Variants in SLC38A4 observed in about 807,000 individuals in gnomAD.
The protein encoded by SLC38A4 is solute carrier family 38 member 4.
Under a neutral mutation model 63.1 loss-of-function variants are expected in SLC38A4, and 20 were observed. The observed-to-expected ratio is 0.32, with a 90% CI of 0.22 to 0.46. The LOEUF (loss-of-function observed/expected upper bound fraction) is 0.46, where lower values mean the gene tolerates loss of function less well. Among genes scored for constraint, SLC38A4 ranks in the 20% least tolerant of loss-of-function variants. The pLI is 1.00. For missense variants in SLC38A4, 526 were observed against 663.6 expected (o/e 0.79, Z 2.28); for synonymous variants, 230 against 225.5 (o/e 1.02, Z -0.18).
At chr12:46,767,839 G>A (rs1938330937) in intron 16 of SLC38A4, among the ~76,000 whole-genome samples, 2 of 152,190 alleles carry the variant, frequency 1.3e-5, no homozygotes, top group South Asian at 2.1e-4. Flanking sequence ...ACGATGAATG[G>A]TTCTGTTCTG....
chr12:46,830,425 C>G (rs1309295798), upstream of SLC38A4, among the ~76,000 whole-genome samples: 1 of 152,010 alleles, frequency 6.6e-6, no homozygotes, highest in African/African-American at 2.4e-5. Flanking sequence ...ACAACATAGG[C>G]TGATTTCTCC....
At chr12:46,822,113 G>A (rs147513559) in intron 1 of SLC38A4, among the ~76,000 whole-genome samples, 1 of 152,162 alleles carries the variant, frequency 6.6e-6, no homozygotes, top group African/African-American at 2.4e-5. Flanking sequence ...ATCATGAAAT[G>A]TATGCATATG....
upstream of SLC38A4, among the ~76,000 whole-genome samples, chr12:46,830,038 A>T (rs181802467): frequency 4.7e-4 from 72 of 151,946 alleles, no homozygotes; most frequent in Non-Finnish European, 1.0e-3. Flanking sequence ...TCTAGTTCAG[A>T]CCAGCCTCCA....
At chr12:46,813,940 T>C (rs10748455) in intron 1 of SLC38A4, among the ~76,000 whole-genome samples, 113,152 of 151,912 alleles carry the variant, frequency 0.74, 42,371 homozygotes, top group African/African-American at 0.81. Flanking sequence ...GAATTGTCTC[T>C]GACTTCAATA....
At chr12:46,790,117 G>T (rs567050434) in intron 3 of SLC38A4, among the ~76,000 whole-genome samples, 2 of 152,068 alleles carry the variant, frequency 1.3e-5, no homozygotes, top group Non-Finnish European at 2.9e-5. Flanking sequence ...AAATAAAATA[G>T]AAAATAATTA....
At position 46,768,292 on chromosome 12, in the gene SLC38A4, A is replaced by T; in HGVS notation, c.1542+18T>A. 6.4e-7 allele frequency: 1 copy of T among 1,555,732 alleles called. No homozygotes were observed. Among genetic ancestry groups the T allele is most frequent in the Admixed American group, 1.7e-5 (1 of 58,098 alleles). On this transcript the variant is annotated intron_variant, in intron 16 of 16. Coordinates refer to ENST00000266579, the MANE Select transcript of SLC38A4 (RefSeq NM_018018.5). ...GGAAGAACAACTAATAATGGGGGAA[A>T]TTGCAAGGTTTACTTACCCCGACCT... is the stretch of plus-strand genomic sequence containing the variant.
At position 46,785,746 on chromosome 12, in the gene SLC38A4, T is replaced by C. The variant is rs1251316534; in HGVS notation, c.327-569A>G. On this transcript the variant is annotated intron_variant, in intron 5 of 16. Coordinates refer to ENST00000266579, the MANE Select transcript of SLC38A4 (RefSeq NM_018018.5). ...ATGGGGCACGAAAATTCCTTTTTTTTTTTTTTTTTTTTTTTTGCATTCAGA... is the reference window on the plus strand; with the variant it reads ...ATGGGGCACGAAAATTCCTTTTTTTCTTTTTTTTTTTTTTTTGCATTCAGA... 2.4e-4 allele frequency among the ~76,000 whole-genome samples: 32 copies of C among 134,514 alleles called. 2 individuals are homozygous for C. The East Asian group carries it at 5.3e-3, about 22-fold the overall frequency. The allele number at this position is 134,514 out of a possible 152,430, so 88.2% of individuals were successfully genotyped here.
chr12:46,830,199 A>G (rs79413974), upstream of SLC38A4, among the ~76,000 whole-genome samples: 16 of 152,280 alleles, frequency 1.1e-4, no homozygotes, highest in Non-Finnish European at 1.9e-4. Flanking sequence ...GAAAGATCAG[A>G]TATTCTTTTC....
In SLC38A4 at chr12:46,764,995, T is replaced by C. The variant is rs904448348; in HGVS notation, c.*1706A>G. 6.6e-6 allele frequency: 1 copy of C among 152,646 alleles called. No individual in the cohort carries two copies. Among genetic ancestry groups the C allele is most frequent in the Admixed American group, 6.5e-5 (1 of 15,270 alleles). The allele number at this position is 152,646 out of a possible 1,614,324, so 9.5% of individuals were successfully genotyped here. ...AATGGTGCTTTATTATTTGGCACTA[T>C]AGGATGCTCTTGAACATTCAGAAGA... On this transcript the variant is annotated 3_prime_UTR_variant, in exon 17 of 17. Coordinates refer to ENST00000266579, the MANE Select transcript of SLC38A4 (RefSeq NM_018018.5).
At chr12:46,825,593 A>G (rs919133843) in intron 1 of SLC38A4, among the ~76,000 whole-genome samples, 1 of 152,178 alleles carries the variant, frequency 6.6e-6, no homozygotes, top group Non-Finnish European at 1.5e-5. Flanking sequence ...CCTTTTAGTT[A>G]GATCCCTTTA....
At chr12:46,809,410 C>T (rs900302533) in intron 1 of SLC38A4, among the ~76,000 whole-genome samples, 2 of 152,060 alleles carry the variant, frequency 1.3e-5, no homozygotes. Context: ...TTAATGAACT[C>T]GGGAGGATTT....
intron 2 of SLC38A4, among the ~76,000 whole-genome samples, chr12:46,795,758 C>T (rs2120840182): frequency 6.6e-6 from 1 of 152,162 alleles, no homozygotes; most frequent in Middle Eastern, 3.4e-3. Context: ...GAAGAAACTT[C>T]TCTCTTCTAG....
In SLC38A4 at chr12:46,765,029, TC is replaced by T. The variant is rs1938267959; in HGVS notation, c.*1671del. On this transcript the variant is annotated 3_prime_UTR_variant, in exon 17 of 17. Transcript: ENST00000266579. Reference sequence around the variant, plus strand: ...CTTGAACATTCAGAAGATACCTTTTTCCACTTTTTATTTTTGTATACTTTTT... The same window carrying T: ...CTTGAACATTCAGAAGATACCTTTTTCACTTTTTATTTTTGTATACTTTTT... The T allele has an allele frequency of 6.5e-6, 1 of 152,678 alleles. No homozygotes were observed. Among genetic ancestry groups the T allele is most frequent in the Non-Finnish European group, 1.5e-5 (1 of 68,058 alleles). The allele number at this position is 152,678 out of a possible 1,614,324, so 9.5% of individuals were successfully genotyped here.
chr12:46,771,843 C>G (rs1246147859), intron 14 of SLC38A4, among the ~76,000 whole-genome samples: 5 of 152,098 alleles, frequency 3.3e-5, no homozygotes, highest in African/African-American at 7.2e-5. Context: ...GCCTCATCTG[C>G]TCTTCCACTT....
At chr12:46,777,600 A>C (rs1375466781) in intron 12 of SLC38A4, among the ~76,000 whole-genome samples, 1 of 152,030 alleles carries the variant, frequency 6.6e-6, no homozygotes, top group Non-Finnish European at 1.5e-5. Context: ...TTTAGTGAGA[A>C]TGAAGACTGA....
At chr12:46,776,511 G>A (rs1592176888) in intron 13 of SLC38A4, among the ~76,000 whole-genome samples, 1 of 152,148 alleles carries the variant, frequency 6.6e-6, no homozygotes, top group African/African-American at 2.4e-5. Context: ...TGAGGACCTG[G>A]CAGTTTCCCT....
chr12:46,818,174 T>C (rs1418508307), intron 1 of SLC38A4, among the ~76,000 whole-genome samples: 1 of 151,892 alleles, frequency 6.6e-6, no homozygotes, highest in Non-Finnish European at 1.5e-5. Flanking sequence ...TGTTATGAGA[T>C]AATCCAATGG....
intron 14 of SLC38A4, among the ~76,000 whole-genome samples, chr12:46,769,752 A>G (rs993043931): frequency 6.6e-5 from 10 of 152,098 alleles, no homozygotes; most frequent in African/African-American, 1.9e-4. Context: ...ACAAATACTT[A>G]CCATTATGTT....
Position 46,784,602 on chromosome 12 carries a change from C to G in SLC38A4, c.433G>C (p.Ala145Pro). The G allele has an allele frequency of 6.2e-7, 1 of 1,612,724 alleles. No homozygotes were observed. The highest frequency in any genetic ancestry group is 8.5e-7 in the Non-Finnish European group (1 of 1,179,258). Residue 145 changes from alanine (A) to proline (P), a missense_variant, in exon 7 of 17, where the codon GCA becomes CCA. By Grantham distance (27) the Ala-to-Pro change is conservative. Coordinates refer to ENST00000266579, the MANE Select transcript of SLC38A4 (RefSeq NM_018018.5). Reference sequence around the variant, plus strand: ...CCAATTTTTCCCGGCCATCCAAATGCCTTTTCTCCTAATTTTTCATAAATC... The same window carrying G: ...CCAATTTTTCCCGGCCATCCAAATGGCTTTTCTCCTAATTTTTCATAAATC... Reference protein sequence around the residue: ...SLIYEKLGEKAFGWPGKIGAF... With the variant: ...SLIYEKLGEKPFGWPGKIGAF...
Sources: gnomAD v4.1 joint callset for allele counts (sites outside exome capture counted in the v4.1 genomes callset) on GRCh38, gnomAD v4.1.1 for gene constraint, MANE v1.5 for transcripts, NCBI Gene and HGNC (gene_info 2026-07-23, HGNC 2026-07-21) for gene names.